Variants in CAB39 observed in about 807,000 individuals in gnomAD.
CAB39 encodes the protein calcium binding protein 39.
Under a neutral mutation model 40.0 loss-of-function variants are expected in CAB39, and 8 were observed. That is an observed-to-expected ratio of 0.20 (90% CI 0.12 to 0.36). The LOEUF is 0.36. CAB39 is among the 10% of genes least tolerant of loss of function. The pLI is 1.00. For missense variants in CAB39, 270 were observed against 401.1 expected, an observed-to-expected ratio of 0.67 and a Z score of 2.79; for synonymous variants, 156 against 141.6, an observed-to-expected ratio of 1.10 and a Z score of -0.72.
chr2:230,735,660 C>T (rs967235436), intron 1 of CAB39, among the ~76,000 whole-genome samples: 14 of 151,710 alleles, frequency 9.2e-5, no homozygotes, highest in African/African-American at 1.9e-4. Context: ...ACCCTAGGTG[C>T]GCATCACCAC....
Position 230,817,811 on chromosome 2 carries a change from A to C in CAB39, c.751A>C (p.Ser251Arg). 1 of 1,612,796 alleles carries C rather than the reference A, an allele frequency of 6.2e-7. No homozygotes were observed. The highest frequency in any genetic ancestry group is 8.5e-7 in the Non-Finnish European group (1 of 1,179,022). Residue 251 changes from serine (S) to arginine (R), a missense_variant, in exon 8 of 9, where the codon AGT becomes CGT. Physicochemically the swap from Ser to Arg is moderately radical, Grantham distance 110. Transcript: ENST00000258418. ...HNFTIMTKYISKPENLKLMMN... is the reference protein window; with the variant it reads ...HNFTIMTKYIRKPENLKLMMN... Reference sequence around the variant, plus strand: ...CTTCACAATTATGACAAAATACATCAGTAAACCTGAGAACCTCAAATTAAT... The same window carrying C: ...CTTCACAATTATGACAAAATACATCCGTAAACCTGAGAACCTCAAATTAAT...
chr2:230,764,240 C>T (rs1695344578), intron 2 of CAB39, among the ~76,000 whole-genome samples: 1 of 152,150 alleles, frequency 6.6e-6, no homozygotes, highest in Non-Finnish European at 1.5e-5. Context: ...AGTACCCATA[C>T]AACCATTCTG....
intron 2 of CAB39, among the ~76,000 whole-genome samples, chr2:230,772,491 T>G (rs1695499727): frequency 6.6e-6 from 1 of 151,700 alleles, no homozygotes; most frequent in African/African-American, 2.4e-5. Flanking sequence ...TGGCAGGTTT[T>G]TTTTTTTTTT....
At chr2:230,714,134 A>T (rs1037845443) in intron 1 of CAB39, 7 of 150,948 alleles carry the variant, frequency 4.6e-5, no homozygotes, top group Non-Finnish European at 8.8e-5. Context: ...GGCATGGTGC[A>T]GGGGGCGGGG....
intron 5 of CAB39, among the ~76,000 whole-genome samples, chr2:230,809,620 TC>T (rs1696269628): frequency 6.6e-6 from 1 of 152,208 alleles, no homozygotes; most frequent in Non-Finnish European, 1.5e-5. Context: ...GAATGAATGA[TC>T]CTTGGGAAAG....
At chr2:230,811,239 T>C (rs544270568) in intron 6 of CAB39, among the ~76,000 whole-genome samples, 10 of 152,310 alleles carry the variant, frequency 6.6e-5, no homozygotes, top group Admixed American at 3.9e-4. Context: ...CATTATTCAC[T>C]TTGCTGTTCA....
At chr2:230,767,727 A>G (rs1196796219) in intron 2 of CAB39, among the ~76,000 whole-genome samples, 4 of 152,186 alleles carry the variant, frequency 2.6e-5, no homozygotes, top group East Asian at 1.9e-4. Context: ...GCCCTGAGCA[A>G]TGAGGCCCAT....
chr2:230,722,867 A>C (rs1002693263), intron 1 of CAB39, among the ~76,000 whole-genome samples: 20 of 152,184 alleles, frequency 1.3e-4, no homozygotes, highest in African/African-American at 4.1e-4. Flanking sequence ...GCCCTCTGAA[A>C]TAGTAAGTTT....
At chr2:230,787,758 TTAA>T (rs947834740) in intron 2 of CAB39, among the ~76,000 whole-genome samples, 1 of 152,116 alleles carries the variant, frequency 6.6e-6, no homozygotes, top group Admixed American at 6.6e-5. Context: ...TCTTAGGAGG[TTAA>T]TCAAAGAACC....
intron 1 of CAB39, among the ~76,000 whole-genome samples, chr2:230,719,639 A>G (rs1694410882): frequency 6.6e-6 from 1 of 152,256 alleles, no homozygotes; most frequent in Non-Finnish European, 1.5e-5. Context: ...TGGGAAACAC[A>G]GAAGCCTGGG....
At chr2:230,813,067 T>C (rs1696332132) in intron 6 of CAB39, among the ~76,000 whole-genome samples, 1 of 152,216 alleles carries the variant, frequency 6.6e-6, no homozygotes, top group Non-Finnish European at 1.5e-5. Flanking sequence ...GCACTCGCGA[T>C]GACCAAAGGA....
At chr2:230,722,754 C>T (rs753086747) in intron 1 of CAB39, among the ~76,000 whole-genome samples, 14 of 152,174 alleles carry the variant, frequency 9.2e-5, no homozygotes, top group Middle Eastern at 3.2e-3. Context: ...CTGTACTATA[C>T]GTACTTTGAA....
intron 1 of CAB39, among the ~76,000 whole-genome samples, chr2:230,759,378 G>A (rs1034451965): frequency 6.6e-6 from 1 of 152,174 alleles, no homozygotes; most frequent in Non-Finnish European, 1.5e-5. Context: ...TGTTGCTAGT[G>A]CTGTTTGGCT....
chr2:230,759,525 C>T (rs1372395227), intron 1 of CAB39, among the ~76,000 whole-genome samples: 1 of 152,196 alleles, frequency 6.6e-6, no homozygotes, highest in Non-Finnish European at 1.5e-5. Context: ...GTACCTTGAG[C>T]CTCACGCTCA....
At chr2:230,756,441 T>G (rs2124914045) in intron 1 of CAB39, among the ~76,000 whole-genome samples, 1 of 152,352 alleles carries the variant, frequency 6.6e-6, no homozygotes, top group Non-Finnish European at 1.5e-5. Context: ...ATCAGGCAGC[T>G]ACATGACTGT....
chr2:230,727,412 TTTTC>T (rs1278400445), intron 1 of CAB39, among the ~76,000 whole-genome samples: 1 of 140,224 alleles, frequency 7.1e-6, no homozygotes, highest in Non-Finnish European at 1.5e-5. Context: ...TTTTTTTTCT[TTTTC>T]TTTTTTTTTT....
chr2:230,781,596 G>T (rs933920249), intron 2 of CAB39, among the ~76,000 whole-genome samples: 1 of 152,188 alleles, frequency 6.6e-6, no homozygotes, highest in Non-Finnish European at 1.5e-5. Flanking sequence ...GTCATTAAGG[G>T]TTCAGTGGAT....
chr2:230,779,007 G>A (rs1695643288), intron 2 of CAB39: 1 of 152,142 alleles, frequency 6.6e-6, no homozygotes, highest in African/African-American at 2.4e-5. Flanking sequence ...GGAAAGTTTA[G>A]TTTCTGATAC....
intron 1 of CAB39, among the ~76,000 whole-genome samples, chr2:230,730,496 G>T (rs1477599051): frequency 6.8e-6 from 1 of 148,126 alleles, no homozygotes; most frequent in Non-Finnish European, 1.5e-5. Context: ...CCAGGCTGTA[G>T]TGCAGTGGTG....
Sources: gnomAD v4.1 joint callset for allele counts (sites outside exome capture counted in the v4.1 genomes callset) on GRCh38, gnomAD v4.1.1 for gene constraint, MANE v1.5 for transcripts, NCBI Gene and HGNC (gene_info 2026-07-23, HGNC 2026-07-21) for gene names.